The following CDH18 variants were observed in gnomAD, a reference collection of about 807,000 sequenced individuals.
The protein encoded by CDH18 is cadherin 18.
Under a neutral mutation model 67.9 loss-of-function variants are expected in CDH18, and 31 were observed. The observed-to-expected ratio is 0.46, with a 90% confidence interval of 0.34 to 0.62. CDH18 has a LOEUF of 0.62. Ranked by LOEUF, CDH18 falls within the 20% of genes least tolerant of loss-of-function variation. CDH18 has a pLI of 0.01. For synonymous variants in CDH18, 362 were observed against 347.2 expected, an observed-to-expected ratio of 1.04 and a Z score of -0.48; for missense variants, 890 against 975.5, an observed-to-expected ratio of 0.91 and a Z score of 1.17.
At chr5:20,110,442 G>A (rs1010045148) in intron 2 of CDH18, among the ~76,000 whole-genome samples, 1 of 152,108 alleles carries the variant, frequency 6.6e-6, no homozygotes, top group Non-Finnish European at 1.5e-5. Flanking sequence ...CAGCACTTTG[G>A]GAGGCCGAGG....
intron 2 of CDH18, among the ~76,000 whole-genome samples, chr5:19,864,791 C>G (rs1785301179): frequency 6.6e-6 from 1 of 152,090 alleles, no homozygotes; most frequent in Non-Finnish European, 1.5e-5. Context: ...CAATGCCCAG[C>G]ATATATCTGA....
intron 5 of CDH18, among the ~76,000 whole-genome samples, chr5:19,656,668 G>GTGCA (rs1276929309): frequency 6.6e-6 from 1 of 152,042 alleles, no homozygotes; most frequent in African/African-American, 2.4e-5. Flanking sequence ...AGAAACTGAT[G>GTGCA]ACATATTGTA....
At chr5:20,515,557 T>C (rs1755317200) in intron 1 of CDH18, among the ~76,000 whole-genome samples, 1 of 152,042 alleles carries the variant, frequency 6.6e-6, no homozygotes. Context: ...TTTAATTCTA[T>C]TGAATAGGAC....
chr5:20,348,491 T>A (rs554313161), intron 1 of CDH18, among the ~76,000 whole-genome samples: 15 of 152,312 alleles, frequency 9.8e-5, no homozygotes, highest in African/African-American at 3.1e-4. Context: ...AGGCTGCTTG[T>A]CAGAGTGTGT....
chr5:20,488,673 T>TTATATATATATATATATA lies in CDH18; in HGVS notation c.-580+86771_-580+86788dup, dbSNP rs34690857. On this transcript the variant is annotated intron_variant, in intron 1 of 14. Transcript: ENST00000507958. Reference sequence around the variant, plus strand: ...TCTTTTTGGTTGGAGGGGTAGTGTTTTATATATATATATATATATATATAT... The same window carrying TTATATATATATATATATA: ...TCTTTTTGGTTGGAGGGGTAGTGTTTTATATATATATATATATATATATATATATATATATATATATAT... Among the ~76,000 whole-genome samples the TTATATATATATATATATA allele has an allele frequency of 4.8e-3, 609 of 126,712 alleles. 3 individuals are homozygous for TTATATATATATATATATA. Among genetic ancestry groups the TTATATATATATATATATA allele is most frequent in the Non-Finnish European group, 8.0e-3 (471 of 58,830 alleles). 83.1% of individuals were successfully genotyped at this position (126,712 alleles called of 152,430 possible).
At chr5:20,303,333 T>C (rs1736108986) in intron 1 of CDH18, among the ~76,000 whole-genome samples, 1 of 152,168 alleles carries the variant, frequency 6.6e-6, no homozygotes, top group Non-Finnish European at 1.5e-5. Flanking sequence ...ATCTTCATTT[T>C]GTCTTTGGGG....
intron 1 of CDH18, among the ~76,000 whole-genome samples, chr5:20,539,751 C>G (rs796275700): frequency 2.3e-5 from 3 of 129,028 alleles, no homozygotes; most frequent in Non-Finnish European, 5.1e-5. Context: ...CACACACACA[C>G]ACACAAACAC....
intron 2 of CDH18, among the ~76,000 whole-genome samples, chr5:19,974,456 T>C (rs1304681539): frequency 7.1e-6 from 1 of 141,808 alleles, no homozygotes; most frequent in African/African-American, 2.7e-5. Flanking sequence ...GAGGCAGAGG[T>C]TGCAGTGAGC....
chr5:20,128,599 C>G (rs1749017782), intron 2 of CDH18, among the ~76,000 whole-genome samples: 1 of 152,076 alleles, frequency 6.6e-6, no homozygotes, highest in Non-Finnish European at 1.5e-5. Context: ...TTCTCTATCT[C>G]TGACACAAAT....
rs115168448 is a variant in CDH18, at chr5:20,247,908, G to A, written c.-518+7536C>T. On this transcript the variant is annotated intron_variant, in intron 2 of 14. Transcript: ENST00000507958. ...ACAAGGAATTTTAATTAAAGTGGAAGATCACATATTTAGAAACAAGAAAAT... is the reference window on the plus strand; with the variant it reads ...ACAAGGAATTTTAATTAAAGTGGAAAATCACATATTTAGAAACAAGAAAAT... Among the ~76,000 whole-genome samples, 156 of 152,144 alleles carry A rather than the reference G, an allele frequency of 1.0e-3. 1 individual carries two copies. Among genetic ancestry groups the A allele is most frequent in the African/African-American group, 3.6e-3 (150 of 41,506 alleles).
chr5:19,981,772 C>T (rs138958575), intron 1 of CDH18, among the ~76,000 whole-genome samples: 13 of 152,292 alleles, frequency 8.5e-5, no homozygotes, highest in Admixed American at 8.5e-4. Context: ...GGCTTTTGCA[C>T]TTGCTTTTCA....
At chr5:20,383,787 C>G (rs1380650876) in intron 1 of CDH18, among the ~76,000 whole-genome samples, 1 of 152,030 alleles carries the variant, frequency 6.6e-6, no homozygotes, top group Non-Finnish European at 1.5e-5. Context: ...AAAACATAAA[C>G]TTGTGAGCAT....
intron 3 of CDH18, among the ~76,000 whole-genome samples, chr5:19,779,026 G>C (rs1774762167): frequency 6.6e-6 from 1 of 152,056 alleles, no homozygotes; most frequent in Non-Finnish European, 1.5e-5. Flanking sequence ...ACCTGGCTAG[G>C]AATAAAATAC....
intron 2 of CDH18, among the ~76,000 whole-genome samples, chr5:20,205,293 CTA>C (rs1177571286): frequency 3.3e-5 from 5 of 151,950 alleles, no homozygotes; most frequent in South Asian, 2.1e-4. Flanking sequence ...ATGAAAGTCA[CTA>C]TATAATAATA....
intron 1 of CDH18, among the ~76,000 whole-genome samples, chr5:20,364,440 A>C (rs1048066619): frequency 1.1e-4 from 17 of 152,220 alleles, no homozygotes; most frequent in African/African-American, 4.1e-4. Context: ...ACCACTGAGC[A>C]CCTTCCATAT....
intron 1 of CDH18, among the ~76,000 whole-genome samples, chr5:20,290,750 T>C (rs1747044339): frequency 2.0e-5 from 3 of 152,058 alleles, no homozygotes; most frequent in South Asian, 4.1e-4. Context: ...GAAAACAGAA[T>C]AGTAGCTCAG....
intron 5 of CDH18, among the ~76,000 whole-genome samples, chr5:19,680,919 C>A (rs969459725): frequency 1.3e-5 from 2 of 151,902 alleles, no homozygotes; most frequent in East Asian, 1.9e-4. Context: ...TTGGTACATA[C>A]CCAAAGGAAT....
intron 3 of CDH18, among the ~76,000 whole-genome samples, chr5:19,837,219 T>C (rs141736993): frequency 0.013 from 1,994 of 151,920 alleles, 37 homozygotes; most frequent in African/African-American, 0.045. Flanking sequence ...TGAGAACACA[T>C]GGACACAGAG....
At chr5:19,866,841 C>T (rs1785584388) in intron 2 of CDH18, among the ~76,000 whole-genome samples, 1 of 152,102 alleles carries the variant, frequency 6.6e-6, no homozygotes, top group East Asian at 1.9e-4. Context: ...CCTGTAATCC[C>T]AGCACTTTGG....
Sources: allele counts gnomAD v4.1 joint callset (sites outside exome capture counted in the v4.1 genomes callset), GRCh38; gene constraint gnomAD v4.1.1; transcripts MANE v1.5; gene names NCBI Gene and HGNC (gene_info 2026-07-23, HGNC 2026-07-21).